Variants in NDUFA9 observed in about 807,000 individuals in gnomAD.
NDUFA9 encodes NADH dehydrogenase [ubiquinone] 1 alpha subcomplex subunit 9, mitochondrial.
NDUFA9 carries 23 observed loss-of-function variants against 45.9 expected under a neutral mutation model. The ratio of observed to expected loss-of-function variants is 0.50; its 90% CI spans 0.36 to 0.71. The LOEUF (loss-of-function observed/expected upper bound fraction) is 0.71. Ranked by LOEUF, NDUFA9 falls within the 30% of genes least tolerant of loss-of-function variation. The pLI, the probability that NDUFA9 is intolerant of heterozygous loss-of-function variation, is 0.00. For synonymous variants in NDUFA9, 176 were observed against 170.5 expected, an observed-to-expected ratio of 1.03 and a Z score of -0.25; for missense variants, 466 against 488.2, an observed-to-expected ratio of 0.95 and a Z score of 0.43.
chr12:4,690,003 C>T lies in NDUFA9; in HGVS notation c.*2895C>T, dbSNP rs1356326169. 1 of 152,646 alleles carries T rather than the reference C, an allele frequency of 6.6e-6. No homozygotes were observed. The highest frequency in any genetic ancestry group is 1.5e-5 in the Non-Finnish European group (1 of 68,390). The allele number at this position is 152,646 out of a possible 1,614,324, so 9.5% of individuals were successfully genotyped here. On this transcript the variant is annotated 3_prime_UTR_variant, in exon 11 of 11. Transcript: ENST00000266544. ...ACCATCCTAAGCTAGTGGATGTCAC[C>T]CTCTCAGTGTATGGAGGTTGCATAT...
At chr12:4,652,652 C>G (rs575613643) in intron 1 of NDUFA9, among the ~76,000 whole-genome samples, 1 of 152,140 alleles carries the variant, frequency 6.6e-6, no homozygotes, top group African/African-American at 2.4e-5. Flanking sequence ...CATGGGACTG[C>G]TTTTTAATCT....
At chr12:4,685,888 A>G (rs141428909) in intron 10 of NDUFA9, among the ~76,000 whole-genome samples, 5 of 152,264 alleles carry the variant, frequency 3.3e-5, no homozygotes, top group Admixed American at 1.3e-4. Flanking sequence ...TAAAAATACT[A>G]TACCAATACC....
At chr12:4,653,647 CATT>C in intron 1 of NDUFA9, 1 of 449,396 alleles carries the variant, frequency 2.2e-6, no homozygotes, top group Non-Finnish European at 4.4e-6. Context: ...CTCCTTTTAT[CATT>C]ATTTGTGATG....
intron 8 of NDUFA9, among the ~76,000 whole-genome samples, chr12:4,679,712 T>C (rs545690821): frequency 1.6e-3 from 249 of 152,268 alleles, no homozygotes; most frequent in African/African-American, 5.6e-3. Context: ...AACAGTTAGG[T>C]AACTATTTGG....
chr12:4,686,883 C>A, intron 10 of NDUFA9, 55 bp from the exon 11 acceptor site: 1 of 1,546,404 alleles, frequency 6.5e-7, no homozygotes, highest in Non-Finnish European at 8.8e-7. Flanking sequence ...GCTAGGATAG[C>A]ACTTTGTTCT....
In NDUFA9 at chr12:4,657,723, A is replaced by T. The variant is rs758062615; in HGVS notation, c.319-25A>T. 7 of 1,567,988 alleles carry T rather than the reference A, an allele frequency of 4.5e-6. No individual in the cohort carries two copies. In the African/African-American group the frequency reaches 5.4e-5, roughly 12 times the overall value. On this transcript the variant is annotated intron_variant, in intron 3 of 10. Transcript: ENST00000266544. ...TGCTGAGGTATACCCCTATGTTTTC[A>T]TCCGATTGCTTTCTGCTATTATAGG...
In NDUFA9 at chr12:4,687,156, G is replaced by A. The variant is rs780362635; in HGVS notation, c.*48G>A. 42 of 1,591,740 alleles carry A rather than the reference G, an allele frequency of 2.6e-5. No individual in the cohort carries two copies. Among genetic ancestry groups the A allele is most frequent in the Non-Finnish European group, 3.6e-5 (42 of 1,165,590 alleles). Reference sequence around the variant, plus strand: ...TTTGGCGTCTTTTGGGTCGGCCCATGTGGTTTGAGCACCCAGCCAGGCGGT... The same window carrying A: ...TTTGGCGTCTTTTGGGTCGGCCCATATGGTTTGAGCACCCAGCCAGGCGGT... On this transcript the variant is annotated 3_prime_UTR_variant, in exon 11 of 11. Coordinates refer to ENST00000266544, the MANE Select transcript of NDUFA9 (RefSeq NM_005002.5).
At chr12:4,684,677 G>A (rs978996707) in intron 9 of NDUFA9, among the ~76,000 whole-genome samples, 2 of 152,172 alleles carry the variant, frequency 1.3e-5, no homozygotes, top group African/African-American at 2.4e-5. Context: ...CAAGTGGCAC[G>A]TAAGGAGCCC....
chr12:4,671,269 C>G (rs1211602256), intron 8 of NDUFA9, among the ~76,000 whole-genome samples: 1 of 152,080 alleles, frequency 6.6e-6, no homozygotes, highest in East Asian at 1.9e-4. Context: ...CAACATTACA[C>G]ACAACTGTGA....
At chr12:4,683,180 CA>C (rs60769758) in intron 9 of NDUFA9, among the ~76,000 whole-genome samples, 81 of 138,764 alleles carry the variant, frequency 5.8e-4, no homozygotes, top group African/African-American at 4.9e-4. Context: ...GTCTCTGGAA[CA>C]AAAAAAAAAA....
chr12:4,667,334 A>G (rs1945858870), intron 6 of NDUFA9, among the ~76,000 whole-genome samples: 2 of 152,110 alleles, frequency 1.3e-5, no homozygotes, highest in African/African-American at 2.4e-5. Flanking sequence ...CCATAGCAAC[A>G]TCCTAACAAT....
chr12:4,669,709 A>G (rs1945874959), intron 7 of NDUFA9, 32 bp from the exon 8 acceptor site: 1 of 1,372,772 alleles, frequency 7.3e-7, no homozygotes, highest in East Asian at 2.3e-5. Context: ...TTTTTCAACA[A>G]TTACTTAGAC....
At chr12:4,671,360 G>A (rs568055425) in intron 8 of NDUFA9, among the ~76,000 whole-genome samples, 114 of 152,032 alleles carry the variant, frequency 7.5e-4, no homozygotes, top group Non-Finnish European at 1.4e-3. Flanking sequence ...AATGAACAAT[G>A]TGAAAATAAA....
chr12:4,685,135 TAAA>T, intron 9 of NDUFA9, 121 bp from the exon 10 acceptor site: 1 of 733,488 alleles, frequency 1.4e-6, no homozygotes, highest in Non-Finnish European at 2.3e-6. Context: ...GTTATTTTCT[TAAA>T]AAAAAAAAAT....
intron 1 of NDUFA9, chr12:4,653,767 C>T (rs1339616834): frequency 1.8e-5 from 6 of 335,064 alleles, no homozygotes; most frequent in Non-Finnish European, 2.3e-5. Context: ...TATCATCAAC[C>T]TTATTTTTCA....
intron 8 of NDUFA9, among the ~76,000 whole-genome samples, chr12:4,673,775 C>G (rs991846360): frequency 6.6e-6 from 1 of 152,132 alleles, no homozygotes; most frequent in Non-Finnish European, 1.5e-5. Context: ...ACTTCCCCAA[C>G]TAGCAAGGCA....
At position 4,671,476 on chromosome 12, in the gene NDUFA9, C is replaced by T. The variant is rs11063290; in HGVS notation, c.800+1659C>T. 9.2e-4 allele frequency among the ~76,000 whole-genome samples: 140 copies of T among 151,948 alleles called. 1 individual carries two copies. The East Asian group carries it at 0.018, about 20-fold the overall frequency. ...ATTATACCTAATAAGTAATGACATA[C>T]CATGTTCATGGATTGAATGAGTCAG... On this transcript the variant is annotated intron_variant, in intron 8 of 10. Transcript: ENST00000266544.
chr12:4,659,000 A>C (rs1256297584), intron 4 of NDUFA9, 36 bp from the exon 5 acceptor site: 2 of 1,588,512 alleles, frequency 1.3e-6, no homozygotes, highest in Non-Finnish European at 1.7e-6. Flanking sequence ...CTGTGTGTGG[A>C]GTTCTTAACC....
At chr12:4,664,467 G>C (rs1051690708) in intron 6 of NDUFA9, among the ~76,000 whole-genome samples, 2 of 152,188 alleles carry the variant, frequency 1.3e-5, no homozygotes, top group Non-Finnish European at 1.5e-5. Flanking sequence ...ACCCCAAAAG[G>C]GGTTCAGAGA....
Sources: gnomAD v4.1 joint callset for allele counts (sites outside exome capture counted in the v4.1 genomes callset) on GRCh38, gnomAD v4.1.1 for gene constraint, MANE v1.5 for transcripts, NCBI Gene and HGNC (gene_info 2026-07-23, HGNC 2026-07-21) for gene names.